Variants in KCNIP4 observed in about 807,000 individuals in gnomAD.
KCNIP4 encodes the protein Kv channel-interacting protein 4.
KCNIP4 carries 12 observed loss-of-function variants against 34.0 expected under a neutral mutation model. That is an observed-to-expected ratio of 0.35 (90% CI 0.23 to 0.57). KCNIP4 has a LOEUF of 0.57. KCNIP4 is among the 20% of genes least tolerant of loss of function. KCNIP4 has a pLI of 0.83. For synonymous variants in KCNIP4, 124 were observed against 102.2 expected, an observed-to-expected ratio of 1.21 and a Z score of -1.29; for missense variants, 238 against 311.7, an observed-to-expected ratio of 0.76 and a Z score of 1.78.
chr4:21,541,196 AAG>A (rs1370562357), intron 1 of KCNIP4, among the ~76,000 whole-genome samples: 4 of 146,742 alleles, frequency 2.7e-5, no homozygotes, highest in Admixed American at 1.3e-4. Context: ...AAAAAAAAAA[AAG>A]AGAGAGAGAG....
chr4:21,489,012 G>T (rs530503502), intron 1 of KCNIP4, among the ~76,000 whole-genome samples: 2 of 152,124 alleles, frequency 1.3e-5, no homozygotes, highest in African/African-American at 4.8e-5. Flanking sequence ...CTAAAATTAA[G>T]CATTGAAGAA....
chr4:21,671,461 G>A (rs1300412619), intron 1 of KCNIP4, among the ~76,000 whole-genome samples: 2 of 152,108 alleles, frequency 1.3e-5, no homozygotes, highest in Non-Finnish European at 2.9e-5. Flanking sequence ...TATAGGGGAG[G>A]CCTAGTACAT....
intron 1 of KCNIP4, among the ~76,000 whole-genome samples, chr4:21,344,837 G>A (rs1218207567): frequency 6.6e-6 from 1 of 152,182 alleles, no homozygotes; most frequent in Non-Finnish European, 1.5e-5. Context: ...ACTGCCCACA[G>A]GCATTCTGAC....
intron 3 of KCNIP4, among the ~76,000 whole-genome samples, chr4:20,774,529 A>G (rs969382803): frequency 5.9e-5 from 9 of 152,218 alleles, no homozygotes; most frequent in Non-Finnish European, 1.0e-4. Context: ...AGCTAAAACA[A>G]TCAAGACAGA....
chr4:21,764,893 GAGA>G (rs1479509675), intron 1 of KCNIP4, among the ~76,000 whole-genome samples: 2 of 152,024 alleles, frequency 1.3e-5, no homozygotes, highest in Non-Finnish European at 1.5e-5. Context: ...GAAGAGTCAG[GAGA>G]AGAAGATTTT....
intron 1 of KCNIP4, among the ~76,000 whole-genome samples, chr4:21,221,237 C>A (rs1159296002): frequency 1.3e-5 from 2 of 152,124 alleles, no homozygotes; most frequent in African/African-American, 4.8e-5. Context: ...AAACTACTAA[C>A]CTCACATCTC....
At chr4:21,279,803 G>A (rs1380651966) in intron 1 of KCNIP4, among the ~76,000 whole-genome samples, 1 of 151,914 alleles carries the variant, frequency 6.6e-6, no homozygotes, top group Non-Finnish European at 1.5e-5. Context: ...TCTGTAAAAT[G>A]GGCATACAAT....
chr4:21,632,399 G>GT (rs34085035), intron 1 of KCNIP4, among the ~76,000 whole-genome samples: 6 of 151,514 alleles, frequency 4.0e-5, no homozygotes, highest in African/African-American at 7.3e-5. Context: ...TTTTTCACTT[G>GT]TTTTTTTTGT....
intron 1 of KCNIP4, among the ~76,000 whole-genome samples, chr4:21,204,034 T>C (rs534501205): frequency 9.8e-5 from 15 of 152,330 alleles, no homozygotes; most frequent in African/African-American, 3.6e-4. Flanking sequence ...CTGGGTTGGT[T>C]TCCATTGCAA....
At chr4:21,409,327 A>C (rs1724283976) in intron 1 of KCNIP4, among the ~76,000 whole-genome samples, 1 of 151,894 alleles carries the variant, frequency 6.6e-6, no homozygotes, top group African/African-American at 2.4e-5. Flanking sequence ...TATGTTTCCC[A>C]GGTTGGTCTC....
intron 1 of KCNIP4, among the ~76,000 whole-genome samples, chr4:21,291,945 G>GA (rs5856621): frequency 0.52 from 55,049 of 106,060 alleles, 17,202 homozygotes; most frequent in African/African-American, 0.73. Context: ...GAAAAAAAAA[G>GA]AAAAAAGTCT....
intron 1 of KCNIP4, among the ~76,000 whole-genome samples, chr4:21,367,853 T>G (rs1278757195): frequency 6.8e-6 from 1 of 147,842 alleles, no homozygotes; most frequent in African/African-American, 2.7e-5. Context: ...ATTTGCAATA[T>G]GACATCTTTC....
At chr4:21,272,331 A>G (rs1165106480) in intron 1 of KCNIP4, among the ~76,000 whole-genome samples, 1 of 152,208 alleles carries the variant, frequency 6.6e-6, no homozygotes, top group East Asian at 1.9e-4. Flanking sequence ...TTATTTATTC[A>G]TATATAAAAA....
intron 1 of KCNIP4, among the ~76,000 whole-genome samples, chr4:21,657,217 T>C (rs894969329): frequency 2.6e-5 from 4 of 152,242 alleles, no homozygotes; most frequent in Non-Finnish European, 5.9e-5. Flanking sequence ...AATTCTTTTA[T>C]CAGTCTTTTT....
At chr4:20,970,079 C>A (rs892392285) in intron 1 of KCNIP4, among the ~76,000 whole-genome samples, 1 of 151,882 alleles carries the variant, frequency 6.6e-6, no homozygotes, top group Non-Finnish European at 1.5e-5. Context: ...GTAGCTGGGA[C>A]TACAGGCGCC....
intron 1 of KCNIP4, among the ~76,000 whole-genome samples, chr4:20,905,882 C>T (rs891367065): frequency 3.9e-5 from 6 of 151,988 alleles, no homozygotes; most frequent in South Asian, 2.1e-4. Flanking sequence ...TAATTAAATT[C>T]GCATTTTGTT....
chr4:20,928,594 T>C (rs1354307840), intron 1 of KCNIP4, among the ~76,000 whole-genome samples: 1 of 151,560 alleles, frequency 6.6e-6, no homozygotes, highest in Non-Finnish European at 1.5e-5. Context: ...AACCCAAAGT[T>C]AGTGGAAAAA....
chr4:21,725,715 T>C (rs1380556706), intron 1 of KCNIP4, among the ~76,000 whole-genome samples: 5 of 152,176 alleles, frequency 3.3e-5, no homozygotes, highest in African/African-American at 1.2e-4. Context: ...TCTTCTTCAT[T>C]AGTGTTTATT....
intron 1 of KCNIP4, among the ~76,000 whole-genome samples, chr4:21,943,229 A>C (rs1390679496): frequency 6.6e-6 from 1 of 152,210 alleles, no homozygotes; most frequent in Non-Finnish European, 1.5e-5. Flanking sequence ...TCAACAATAA[A>C]AGAAAAACAA....
Sources: gnomAD v4.1 joint callset for allele counts (sites outside exome capture counted in the v4.1 genomes callset) on GRCh38, gnomAD v4.1.1 for gene constraint, MANE v1.5 for transcripts, NCBI Gene and HGNC (gene_info 2026-07-23, HGNC 2026-07-21) for gene names.